Variants in DGKB observed in about 807,000 individuals in gnomAD.
DGKB encodes diacylglycerol kinase beta.
DGKB carries 67 observed loss-of-function variants against 114.3 expected under a neutral mutation model. That is an observed-to-expected ratio of 0.59 (90% CI 0.48 to 0.72). The LOEUF (loss-of-function observed/expected upper bound fraction) is 0.72, where lower values mean the gene tolerates loss of function less well. Among genes scored for constraint, DGKB ranks in the 30% least tolerant of loss-of-function variants. The pLI, the probability that DGKB is intolerant of heterozygous loss-of-function variation, is 0.00. For synonymous variants in DGKB, 398 were observed against 323.1 expected (o/e 1.23, Z -2.49); for missense variants, 907 against 975.2 (o/e 0.93, Z 0.93).
chr7:14,476,983 C>A (rs1223898109), intron 21 of DGKB, among the ~76,000 whole-genome samples: 1 of 152,040 alleles, frequency 6.6e-6, no homozygotes. Flanking sequence ...AACTCCCGAC[C>A]TCATGATCTG....
At chr7:14,313,177 A>G (rs1056232570) in intron 23 of DGKB, among the ~76,000 whole-genome samples, 3 of 152,244 alleles carry the variant, frequency 2.0e-5, no homozygotes, top group African/African-American at 7.2e-5. Context: ...TGAACAGATT[A>G]TTAACATATC....
chr7:14,411,351 G>C (rs1824848598), intron 21 of DGKB, among the ~76,000 whole-genome samples: 1 of 152,164 alleles, frequency 6.6e-6, no homozygotes, highest in Non-Finnish European at 1.5e-5. Flanking sequence ...TAAACCCATT[G>C]TAAGTCAAGG....
intron 23 of DGKB, among the ~76,000 whole-genome samples, chr7:14,203,118 G>A (rs375469204): frequency 3.4e-4 from 42 of 122,564 alleles, no homozygotes; most frequent in Middle Eastern, 4.5e-3. Context: ...ACAGATGTGC[G>A]AATAATCTCT....
intron 21 of DGKB, among the ~76,000 whole-genome samples, chr7:14,461,006 TA>T (rs570498300): frequency 5.8e-4 from 88 of 151,262 alleles, no homozygotes; most frequent in African/African-American, 1.8e-3. Flanking sequence ...GAGTACGGGG[TA>T]AAAAAGCAAA....
In DGKB at chr7:14,649,086, G is replaced by A. The variant is rs1813826765; in HGVS notation, c.1135-18818C>T. On this transcript the variant is annotated intron_variant, in intron 13 of 25. Transcript: ENST00000402815. ...AAAACATGCTGCAGGATATTATCCA[G>A]GAGAACTTCCCCAATCTAGCAAGGC... Among the ~76,000 whole-genome samples, 2 of 72,644 alleles carry A rather than the reference G, an allele frequency of 2.8e-5. 1 individual carries two copies. The highest frequency in any genetic ancestry group is 5.6e-5 in the Non-Finnish European group (2 of 35,842). The allele number at this position is 72,644 out of a possible 152,430, so 47.7% of individuals were successfully genotyped here.
intron 20 of DGKB, among the ~76,000 whole-genome samples, chr7:14,522,006 T>A (rs1462968719): frequency 1.3e-5 from 2 of 152,162 alleles, no homozygotes; most frequent in Non-Finnish European, 2.9e-5. Context: ...CCTCTTCTAC[T>A]TTTGCTTTTT....
chr7:14,862,695 T>C (rs1444740973), intron 1 of DGKB, among the ~76,000 whole-genome samples: 1 of 152,112 alleles, frequency 6.6e-6, no homozygotes, highest in Non-Finnish European at 1.5e-5. Flanking sequence ...TTTTTGCTTG[T>C]ACTTAAAAGT....
chr7:14,795,860 T>C (rs940405708), intron 2 of DGKB, among the ~76,000 whole-genome samples: 1 of 152,192 alleles, frequency 6.6e-6, no homozygotes, highest in Non-Finnish European at 1.5e-5. Flanking sequence ...TTTAAAAGTT[T>C]ATTTAAAAGC....
intron 1 of DGKB, among the ~76,000 whole-genome samples, chr7:14,915,351 C>G (rs1316579570): frequency 6.6e-6 from 1 of 152,172 alleles, no homozygotes. Flanking sequence ...ACACTCCAGC[C>G]TGGCCTGAAT....
At chr7:14,921,712 T>G (rs946191967) in intron 1 of DGKB, among the ~76,000 whole-genome samples, 4 of 152,172 alleles carry the variant, frequency 2.6e-5, no homozygotes, top group African/African-American at 9.6e-5. Flanking sequence ...TTGAGAAAAC[T>G]TGGGCTAATG....
At position 14,757,663 on chromosome 7, in the gene DGKB, G is replaced by C; in HGVS notation, c.139C>G (p.Pro47Ala). The C allele has an allele frequency of 6.3e-7, 1 of 1,588,288 alleles. No individual in the cohort carries two copies. Among genetic ancestry groups the C allele is most frequent in the South Asian group, 1.1e-5 (1 of 89,714 alleles). Residue 47 changes from proline to alanine, a missense_variant, in exon 3 of 26, where the codon CCT becomes GCT. Pro to Ala is a conservative substitution (Grantham distance 27). Transcript: ENST00000402815. ...HGNGVLAKYN[P>A]EGKQDILNQT... ...AGAAAAAGAAGTTTTACCCCTTCAG[G>C]ATTATACTTTGCAAGCACACCATTA...
chr7:14,432,909 A>C (rs749582032), intron 21 of DGKB, among the ~76,000 whole-genome samples: 33 of 152,180 alleles, frequency 2.2e-4, no homozygotes, highest in Non-Finnish European at 3.8e-4. Context: ...GAATGAGGAA[A>C]TATGAAGGCC....
chr7:14,369,460 G>A (rs1817259394), intron 21 of DGKB, among the ~76,000 whole-genome samples: 1 of 152,132 alleles, frequency 6.6e-6, no homozygotes, highest in African/African-American at 2.4e-5. Context: ...TGGGTCAAAT[G>A]GTATTTCTGG....
intron 1 of DGKB, among the ~76,000 whole-genome samples, chr7:14,913,754 A>G (rs1205333549): frequency 1.3e-5 from 2 of 152,092 alleles, no homozygotes; most frequent in African/African-American, 4.8e-5. Context: ...CTTTTGACTT[A>G]TAGTTTCAAC....
At chr7:14,566,834 G>C (rs1001988580) in intron 20 of DGKB, among the ~76,000 whole-genome samples, 16 of 151,542 alleles carry the variant, frequency 1.1e-4, no homozygotes, top group African/African-American at 3.4e-4. Flanking sequence ...ACATCTCTTT[G>C]GTGTCCAGCT....
In DGKB at chr7:14,368,780, C is replaced by T. The variant is rs551553823; in HGVS notation, c.1836-23389G>A. Among the ~76,000 whole-genome samples, 8 of 152,020 alleles carry T rather than the reference C, an allele frequency of 5.3e-5. No individual in the cohort carries two copies. In the East Asian group the frequency reaches 7.8e-4, roughly 15 times the overall value. ...GATGCAACCCAAATGTGATTAGATACGCAAGATAATTTATTAGGGAAAACG... is the reference window on the plus strand; with the variant it reads ...GATGCAACCCAAATGTGATTAGATATGCAAGATAATTTATTAGGGAAAACG... On this transcript the variant is annotated intron_variant, in intron 21 of 25. Coordinates refer to ENST00000402815, the MANE Select transcript of DGKB (RefSeq NM_001350709.2).
At chr7:14,602,294 T>A (rs1379439697) in intron 17 of DGKB, among the ~76,000 whole-genome samples, 1 of 152,150 alleles carries the variant, frequency 6.6e-6, no homozygotes, top group African/African-American at 2.4e-5. Context: ...GGTTTTAGAT[T>A]TTTGAGTTGG....
At chr7:14,559,309 C>G (rs1320213370) in intron 20 of DGKB, among the ~76,000 whole-genome samples, 1 of 152,144 alleles carries the variant, frequency 6.6e-6, no homozygotes, top group African/African-American at 2.4e-5. Flanking sequence ...TGCACTATAT[C>G]ATGTTATGTC....
intron 20 of DGKB, among the ~76,000 whole-genome samples, chr7:14,538,383 G>C (rs1563443324): frequency 1.3e-5 from 2 of 152,092 alleles, no homozygotes. Flanking sequence ...TGTATAAAAA[G>C]ATGCTCAATA....
Sources: gnomAD v4.1 joint callset for allele counts (sites outside exome capture counted in the v4.1 genomes callset) on GRCh38, gnomAD v4.1.1 for gene constraint, MANE v1.5 for transcripts, NCBI Gene and HGNC (gene_info 2026-07-23, HGNC 2026-07-21) for gene names.